The following SLC9A9 variants were observed in gnomAD, a reference collection of about 807,000 sequenced individuals.
SLC9A9 encodes the protein sodium/hydrogen exchanger 9.
In SLC9A9, 62 loss-of-function variants were observed where a neutral mutation model predicts 77.8. The ratio of observed to expected loss-of-function variants is 0.80; its 90% CI spans 0.65 to 0.98. The LOEUF (loss-of-function observed/expected upper bound fraction) is 0.98, where lower values mean the gene tolerates loss of function less well. Among genes scored for constraint, SLC9A9 ranks in the 50% least tolerant of loss-of-function variants. The pLI is 0.00. For missense variants in SLC9A9, 775 were observed against 774.9 expected (o/e 1.00, Z 0.00); for synonymous variants, 320 against 283.5 (o/e 1.13, Z -1.29).
At chr3:143,517,918 C>T (rs1370510458) in intron 9 of SLC9A9, 42 of 1,505,994 alleles carry the variant, frequency 2.8e-5, no homozygotes, top group South Asian at 6.7e-5. Context: ...CCGTTATCTC[C>T]GCATTTTCAT....
chr3:143,846,928 AT>A (rs1217003477), intron 1 of SLC9A9, among the ~76,000 whole-genome samples: 2 of 152,164 alleles, frequency 1.3e-5, no homozygotes, highest in African/African-American at 4.8e-5. Flanking sequence ...CAAGCAAAAA[AT>A]TTTTAAAAGA....
Position 143,578,531 on chromosome 3 carries a change from T to C in SLC9A9, c.894+54A>G, listed in dbSNP as rs879037921. The stretch of plus-strand genomic sequence containing the variant: ...GTTGTCCATCATCAGAAATATTCCA[T>C]GGATACTGACTGTTCTTGACAGTCC... On this transcript the variant is annotated intron_variant, in intron 7 of 15. Coordinates refer to ENST00000316549, the MANE Select transcript of SLC9A9 (RefSeq NM_173653.4). 1.9e-6 allele frequency: 3 copies of C among 1,612,874 alleles called. No individual in the cohort carries two copies. The African/African-American group carries it at 4.0e-5, about 22-fold the overall frequency.
rs116164268 is a variant in SLC9A9, at chr3:143,751,616, C to A, written c.533+43385G>T. 1.8e-3 allele frequency among the ~76,000 whole-genome samples: 271 copies of A among 152,274 alleles called. 2 individuals are homozygous for A. Among genetic ancestry groups the A allele is most frequent in the African/African-American group, 6.2e-3 (257 of 41,560 alleles). On this transcript the variant is annotated intron_variant, in intron 4 of 15. Transcript: ENST00000316549. Reference sequence around the variant, plus strand: ...TTCAACTTCCTCTGCACCCTCCTACCTCCCACCGCTTCTTTCCACAGGTCT... The same window carrying A: ...TTCAACTTCCTCTGCACCCTCCTACATCCCACCGCTTCTTTCCACAGGTCT...
chr3:143,605,237 C>G (rs1374132137), intron 6 of SLC9A9, among the ~76,000 whole-genome samples: 1 of 152,190 alleles, frequency 6.6e-6, no homozygotes, highest in Non-Finnish European at 1.5e-5. Context: ...CAGCAGCTAA[C>G]CAGATTCATC....
Position 143,382,162 on chromosome 3 carries a change from T to C in SLC9A9, c.1470-48A>G, listed in dbSNP as rs758258236. The C allele has an allele frequency of 2.9e-5, 46 of 1,601,232 alleles. 2 individuals are homozygous for C. The Admixed American group carries it at 6.7e-4, about 23-fold the overall frequency. ...GGTCAATCCCCTGCTGCAGAAGGAA[T>C]GAGACAGTCTTGTGTGTCAGATGAC... On this transcript the variant is annotated intron_variant, in intron 12 of 15. Transcript: ENST00000316549.
Position 143,789,875 on chromosome 3 carries a change from G to A in SLC9A9, c.533+5126C>T, listed in dbSNP as rs2108853976. Among the ~76,000 whole-genome samples, 2 of 152,284 alleles carry A rather than the reference G, an allele frequency of 1.3e-5. 1 individual carries two copies. The highest frequency in any genetic ancestry group is 4.1e-4 in the South Asian group (2 of 4,820). Reference sequence around the variant, plus strand: ...CAATACTTCTCAAGAATGTTTATATGAATAATGTAAACAACCTCATAATAT... The same window carrying A: ...CAATACTTCTCAAGAATGTTTATATAAATAATGTAAACAACCTCATAATAT... On this transcript the variant is annotated intron_variant, in intron 4 of 15. Transcript: ENST00000316549.
At chr3:143,608,115 A>G (rs942841802) in intron 6 of SLC9A9, among the ~76,000 whole-genome samples, 2 of 152,214 alleles carry the variant, frequency 1.3e-5, no homozygotes, top group Non-Finnish European at 2.9e-5. Context: ...TAAATTGTAA[A>G]AGACATAATG....
At chr3:143,780,290 CA>C (rs1474812656) in intron 4 of SLC9A9, among the ~76,000 whole-genome samples, 1 of 152,042 alleles carries the variant, frequency 6.6e-6, no homozygotes, top group Non-Finnish European at 1.5e-5. Context: ...CCAGATAGCC[CA>C]ATTAGTAAAA....
intron 14 of SLC9A9, among the ~76,000 whole-genome samples, chr3:143,355,268 T>A (rs1198084648): frequency 6.6e-6 from 1 of 152,222 alleles, no homozygotes; most frequent in Non-Finnish European, 1.5e-5. Flanking sequence ...TAATGGAAAT[T>A]TTAGTCACTC....
intron 11 of SLC9A9, among the ~76,000 whole-genome samples, chr3:143,490,906 A>G (rs957059556): frequency 1.3e-5 from 2 of 152,224 alleles, no homozygotes; most frequent in Non-Finnish European, 2.9e-5. Flanking sequence ...TCTTTCCACC[A>G]TGTAAAAGAG....
chr3:143,466,664 A>G lies in SLC9A9; in HGVS notation c.1469+373T>C, dbSNP rs183412333. Among the ~76,000 whole-genome samples the G allele has an allele frequency of 1.7e-3, 264 of 152,374 alleles. 1 individual carries two copies. Among genetic ancestry groups the G allele is most frequent in the Non-Finnish European group, 2.9e-3 (196 of 68,028 alleles). ...ATAAATTCACTTTATCCTTTGTATT[A>G]TAGATTTCTCTGTATCAGTCCTACT... On this transcript the variant is annotated intron_variant, in intron 12 of 15. Transcript: ENST00000316549.
chr3:143,811,734 C>T lies in SLC9A9; in HGVS notation c.379-14831G>A, dbSNP rs189382549. 3,962 of 454,798 alleles carry T rather than the reference C, an allele frequency of 8.7e-3. 30 individuals carry two copies. The highest frequency in any genetic ancestry group is 0.012 in the Middle Eastern group (30 of 2,416). The allele number at this position is 454,798 out of a possible 1,614,324, so 28.2% of individuals were successfully genotyped here. On this transcript the variant is annotated intron_variant, in intron 2 of 15. Transcript: ENST00000316549. Reference sequence around the variant, plus strand: ...AAAATTAGCCACGCACAGTGGCACACGCCTGTAATCCCAGCTACTCTGGAG... The same window carrying T: ...AAAATTAGCCACGCACAGTGGCACATGCCTGTAATCCCAGCTACTCTGGAG...
chr3:143,513,961 C>T (rs936254395), intron 9 of SLC9A9, among the ~76,000 whole-genome samples: 2 of 152,110 alleles, frequency 1.3e-5, no homozygotes, highest in East Asian at 1.9e-4. Flanking sequence ...ATGTCATTTA[C>T]GTTAGGTATA....
chr3:143,387,908 A>C (rs1345653386), intron 12 of SLC9A9, among the ~76,000 whole-genome samples: 1 of 152,188 alleles, frequency 6.6e-6, no homozygotes, highest in Non-Finnish European at 1.5e-5. Context: ...TAGCACCTCC[A>C]AAAAGGCACT....
intron 4 of SLC9A9, among the ~76,000 whole-genome samples, chr3:143,741,331 C>T (rs1181515632): frequency 6.6e-6 from 1 of 151,996 alleles, no homozygotes; most frequent in Non-Finnish European, 1.5e-5. Flanking sequence ...AAGGAAATAC[C>T]AACGGCCAAA....
At chr3:143,800,632 C>T (rs907699192) in intron 2 of SLC9A9, among the ~76,000 whole-genome samples, 10 of 152,226 alleles carry the variant, frequency 6.6e-5, no homozygotes, top group Admixed American at 2.6e-4. Flanking sequence ...CAGCAGTTTA[C>T]CTGGGCTGTG....
chr3:143,741,865 C>A (rs142913366), intron 4 of SLC9A9, among the ~76,000 whole-genome samples: 2 of 152,200 alleles, frequency 1.3e-5, no homozygotes, highest in East Asian at 3.9e-4. Flanking sequence ...TGCCCTTGTT[C>A]ATTCCTGGGC....
chr3:143,497,089 A>T (rs1479819193), intron 9 of SLC9A9, among the ~76,000 whole-genome samples: 5 of 152,212 alleles, frequency 3.3e-5, no homozygotes, highest in Non-Finnish European at 7.3e-5. Flanking sequence ...TATCATCACA[A>T]TGGGGATTAG....
chr3:143,806,053 C>T (rs907117549), intron 2 of SLC9A9, among the ~76,000 whole-genome samples: 3 of 151,928 alleles, frequency 2.0e-5, no homozygotes, highest in African/African-American at 7.3e-5. Context: ...TTCTCTTTAT[C>T]CTTTATTCTT....
Sources: gnomAD v4.1 joint callset for allele counts (sites outside exome capture counted in the v4.1 genomes callset) on GRCh38, gnomAD v4.1.1 for gene constraint, MANE v1.5 for transcripts, NCBI Gene and HGNC (gene_info 2026-07-23, HGNC 2026-07-21) for gene names.